Variants in KAZN observed in about 807,000 individuals in gnomAD.
The protein encoded by KAZN is kazrin, periplakin interacting protein.
A neutral mutation model predicts 87.4 loss-of-function variants in KAZN; 40 were observed. The observed-to-expected ratio is 0.46, with a 90% CI of 0.36 to 0.60. The LOEUF (loss-of-function observed/expected upper bound fraction) is 0.60, where lower values mean the gene tolerates loss of function less well. KAZN is among the 20% of genes least tolerant of loss of function. The pLI, the probability that KAZN is intolerant of heterozygous loss-of-function variation, is 0.00. For synonymous variants in KAZN, 466 were observed against 458.3 expected (o/e 1.02, Z -0.22); for missense variants, 898 against 1,073.9 (o/e 0.84, Z 2.29).
At chr1:14,162,596 G>A (rs1274537304) in intron 1 of KAZN, among the ~76,000 whole-genome samples, 1 of 149,250 alleles carries the variant, frequency 6.7e-6, no homozygotes, top group Non-Finnish European at 1.5e-5. Flanking sequence ...CCAGGCTGGA[G>A]TGCAGTGGCA....
At chr1:14,380,737 C>T (rs1370656685) in intron 2 of KAZN, among the ~76,000 whole-genome samples, 2 of 151,936 alleles carry the variant, frequency 1.3e-5, no homozygotes, top group African/African-American at 2.4e-5. Context: ...AAAATAGCCC[C>T]AAAAGGGCAA....
intron 2 of KAZN, among the ~76,000 whole-genome samples, chr1:14,556,555 T>C (rs1673891481): frequency 6.6e-6 from 1 of 152,186 alleles, no homozygotes. Context: ...CAGCTGCCTC[T>C]TTCCATACTT....
At chr1:14,677,799 AG>A (rs1640321783) in intron 1 of KAZN, among the ~76,000 whole-genome samples, 1 of 152,242 alleles carries the variant, frequency 6.6e-6, no homozygotes. Context: ...TATATCAAAA[AG>A]CTGCTGAGTG....
intron 2 of KAZN, among the ~76,000 whole-genome samples, chr1:15,008,497 G>A (rs1297934646): frequency 2.0e-5 from 3 of 152,218 alleles, no homozygotes; most frequent in Admixed American, 2.0e-4. Flanking sequence ...CTATGATGAG[G>A]ACCGGGAATG....
chr1:15,039,140 T>C (rs1672652518), intron 3 of KAZN, among the ~76,000 whole-genome samples: 1 of 152,254 alleles, frequency 6.6e-6, no homozygotes, highest in Non-Finnish European at 1.5e-5. Context: ...CAGATGTTTA[T>C]TGTGCACCTA....
At chr1:15,047,257 G>C (rs562508875) in intron 4 of KAZN, among the ~76,000 whole-genome samples, 1 of 152,138 alleles carries the variant, frequency 6.6e-6, no homozygotes, top group Non-Finnish European at 1.5e-5. Context: ...TCCATTGCCC[G>C]CCATGCCTAA....
intron 2 of KAZN, among the ~76,000 whole-genome samples, chr1:14,515,553 TCTC>T (rs898899166): frequency 8.6e-5 from 13 of 151,924 alleles, no homozygotes; most frequent in Admixed American, 6.6e-4. Context: ...CCTCCATCCT[TCTC>T]CTGTTCTACC....
At position 14,682,471 on chromosome 1, in the gene KAZN, G is replaced by A. The variant is rs192521304; in HGVS notation, c.226+83248G>A. Among the ~76,000 whole-genome samples, 7 of 151,636 alleles carry A rather than the reference G, an allele frequency of 4.6e-5. No individual in the cohort carries two copies. The East Asian group carries it at 1.4e-3, about 30-fold the overall frequency. On this transcript the variant is annotated intron_variant, in intron 1 of 14. Coordinates refer to ENST00000376030, the MANE Select transcript of KAZN (RefSeq NM_201628.3). ...CCTGGCTAATTTTTAAAAATTCATT[G>A]TAGAGACAGGATCTCCCTGTTGCCC...
intron 1 of KAZN, among the ~76,000 whole-genome samples, chr1:14,642,873 A>C (rs1207425253): frequency 6.6e-6 from 1 of 152,244 alleles, no homozygotes; most frequent in Non-Finnish European, 1.5e-5. Flanking sequence ...AAAGACAGAC[A>C]ATACTAAGTG....
chr1:14,323,689 C>G (rs906504743), intron 2 of KAZN, among the ~76,000 whole-genome samples: 1 of 152,170 alleles, frequency 6.6e-6, no homozygotes, highest in African/African-American at 2.4e-5. Context: ...GTGGGAGAAT[C>G]ACATTCTTAT....
intron 1 of KAZN, chr1:14,924,524 C>T: frequency 9.9e-7 from 1 of 1,009,020 alleles, no homozygotes; most frequent in South Asian, 4.5e-5. Flanking sequence ...CGATCGGCCC[C>T]GCGCCGGGGT....
intron 1 of KAZN, among the ~76,000 whole-genome samples, chr1:14,154,964 TC>T: frequency 6.6e-6 from 1 of 150,674 alleles, no homozygotes; most frequent in East Asian, 2.0e-4. Context: ...CTTCCTTCCT[TC>T]CTTCCTTCCT....
chr1:14,118,675 A>T (rs972124300), intron 1 of KAZN, among the ~76,000 whole-genome samples: 3 of 152,210 alleles, frequency 2.0e-5, no homozygotes, highest in African/African-American at 2.4e-5. Context: ...CTCAGAATTC[A>T]TCTGGTTGAA....
At chr1:14,192,782 A>C (rs1646447981) in intron 2 of KAZN, among the ~76,000 whole-genome samples, 1 of 152,222 alleles carries the variant, frequency 6.6e-6, no homozygotes, top group South Asian at 2.1e-4. Flanking sequence ...TCAAAAAGAA[A>C]TAATTCCTTT....
At chr1:13,942,989 C>T (rs1250304977) in intron 1 of KAZN, among the ~76,000 whole-genome samples, 5 of 151,966 alleles carry the variant, frequency 3.3e-5, no homozygotes, top group East Asian at 1.9e-4. Context: ...AAAAAAGATC[C>T]AATAAGTATC....
At chr1:15,017,037 C>T (rs1303520177) in intron 2 of KAZN, among the ~76,000 whole-genome samples, 1 of 152,068 alleles carries the variant, frequency 6.6e-6, no homozygotes, top group Non-Finnish European at 1.5e-5. Context: ...GTGGCTTATG[C>T]CTGTAATCGC....
At chr1:14,073,331 G>A (rs1301551403) in intron 1 of KAZN, among the ~76,000 whole-genome samples, 1 of 151,972 alleles carries the variant, frequency 6.6e-6, no homozygotes, top group Non-Finnish European at 1.5e-5. Context: ...GGAGCTATGT[G>A]GAATTGGGAA....
intron 2 of KAZN, among the ~76,000 whole-genome samples, chr1:14,449,579 C>T (rs767469952): frequency 2.0e-5 from 3 of 152,094 alleles, no homozygotes; most frequent in Non-Finnish European, 4.4e-5. Flanking sequence ...TGGAATTTTT[C>T]GGGAGGAGAG....
chr1:13,934,554 G>C (rs971432969), intron 1 of KAZN, among the ~76,000 whole-genome samples: 3 of 152,182 alleles, frequency 2.0e-5, no homozygotes, highest in Non-Finnish European at 4.4e-5. Context: ...TGGAGAACAG[G>C]TTCTCTCTCT....
Sources: gnomAD v4.1 joint callset for allele counts (sites outside exome capture counted in the v4.1 genomes callset) on GRCh38, gnomAD v4.1.1 for gene constraint, MANE v1.5 for transcripts, NCBI Gene and HGNC (gene_info 2026-07-23, HGNC 2026-07-21) for gene names.